ARHGAP10: variants seen among roughly 807,000 people sequenced by gnomAD.
ARHGAP10 encodes Rho GTPase activating protein 10, also known as rho GTPase-activating protein 10.
A neutral mutation model predicts 108.6 loss-of-function variants in ARHGAP10; 87 were observed. The observed-to-expected ratio is 0.80, with a 90% CI of 0.67 to 0.96. ARHGAP10 has a LOEUF of 0.96. Among genes scored for constraint, ARHGAP10 ranks in the 40% least tolerant of loss-of-function variants. The pLI is 0.00. For synonymous variants in ARHGAP10, 347 were observed against 341.1 expected, an observed-to-expected ratio of 1.02 and a Z score of -0.19; for missense variants, 939 against 954.5, an observed-to-expected ratio of 0.98 and a Z score of 0.21.
intron 20 of ARHGAP10, among the ~76,000 whole-genome samples, chr4:148,056,598 C>A (rs991689650): frequency 6.8e-6 from 1 of 147,584 alleles, no homozygotes; most frequent in African/African-American, 2.5e-5. Context: ...AACTGTGGTA[C>A]CTTTGTTAAA....
chr4:147,974,048 T>G (rs937484186), intron 18 of ARHGAP10, among the ~76,000 whole-genome samples: 3 of 152,206 alleles, frequency 2.0e-5, no homozygotes, highest in African/African-American at 7.2e-5. Context: ...CTTTTGGGTA[T>G]ACACCTAGCA....
Position 148,072,124 on chromosome 4 carries a change from C to T in ARHGAP10, c.*43C>T. On this transcript the variant is annotated 3_prime_UTR_variant, in exon 23 of 23. Coordinates refer to ENST00000336498, the MANE Select transcript of ARHGAP10 (RefSeq NM_024605.4). ...CCTGCTGACCCTGGCACCCAGGGAC[C>T]TGCCTGGGGGCAGAGAGCTGTCTTC... 1 of 1,550,916 alleles carries T rather than the reference C, an allele frequency of 6.4e-7. No individual in the cohort carries two copies. The highest frequency in any genetic ancestry group is 1.2e-5 in the South Asian group (1 of 86,834).
At chr4:147,912,346 C>T (rs1456811675) in intron 12 of ARHGAP10, among the ~76,000 whole-genome samples, 1 of 151,240 alleles carries the variant, frequency 6.6e-6, no homozygotes, top group African/African-American at 2.4e-5. Context: ...TCAAGACCAG[C>T]CTGGCCAACA....
intron 3 of ARHGAP10, among the ~76,000 whole-genome samples, chr4:147,835,582 C>T (rs2126802940): frequency 6.6e-6 from 1 of 152,298 alleles, no homozygotes; most frequent in East Asian, 1.9e-4. Context: ...CCATGTTGGC[C>T]AGGCTGGTCT....
chr4:147,903,936 G>A (rs1046706958), intron 10 of ARHGAP10, among the ~76,000 whole-genome samples: 1 of 152,222 alleles, frequency 6.6e-6, no homozygotes, highest in Non-Finnish European at 1.5e-5. Context: ...TCCATGTGCA[G>A]GTTCTTGTGT....
chr4:147,913,261 C>G, intron 13 of ARHGAP10, 122 bp downstream of exon 13: 1 of 825,458 alleles, frequency 1.2e-6, no homozygotes, highest in Non-Finnish European at 2.0e-6. Flanking sequence ...AATGCTCATT[C>G]TGAGTATCAG....
At chr4:147,831,918 C>G (rs949555833) in intron 3 of ARHGAP10, among the ~76,000 whole-genome samples, 3 of 152,176 alleles carry the variant, frequency 2.0e-5, no homozygotes, top group Non-Finnish European at 4.4e-5. Flanking sequence ...ACTCAGTGTC[C>G]TCTCTGTTGG....
intron 4 of ARHGAP10, among the ~76,000 whole-genome samples, chr4:147,850,331 G>A (rs988894227): frequency 2.0e-5 from 3 of 152,182 alleles, no homozygotes; most frequent in Admixed American, 6.5e-5. Context: ...GGCAATGCTT[G>A]GGTCCCTTCC....
chr4:148,042,143 G>GT (rs899858522), intron 19 of ARHGAP10, among the ~76,000 whole-genome samples: 3 of 152,100 alleles, frequency 2.0e-5, no homozygotes, highest in Non-Finnish European at 4.4e-5. Flanking sequence ...TATGCTCCTT[G>GT]TTTTTTTATT....
rs1734579499 is a variant in ARHGAP10 at position 147,866,694 on chromosome 4, TTTC to T, written c.598-14_598-12del. On this transcript the variant is annotated splice_polypyrimidine_tract_variant and intron_variant, in intron 6 of 22. Coordinates refer to ENST00000336498, the MANE Select transcript of ARHGAP10 (RefSeq NM_024605.4). ...TGAGTTTTTTTGTGCTAATATCTCT[TTTC>T]TTCCTGTGTCTTAGATGCTGTCATT... is the stretch of plus-strand genomic sequence containing the variant. 1 of 1,585,380 alleles carries T rather than the reference TTTC, an allele frequency of 6.3e-7. No individual in the cohort carries two copies. The highest frequency in any genetic ancestry group is 8.6e-7 in the Non-Finnish European group (1 of 1,161,176).
chr4:147,942,778 G>T (rs1025927834), intron 14 of ARHGAP10, among the ~76,000 whole-genome samples: 2 of 152,238 alleles, frequency 1.3e-5, no homozygotes, highest in African/African-American at 4.8e-5. Context: ...CCGGTGATGA[G>T]AGGGTATTCT....
chr4:147,819,624 T>A (rs1732398452), intron 1 of ARHGAP10, among the ~76,000 whole-genome samples: 2 of 152,176 alleles, frequency 1.3e-5, no homozygotes, highest in African/African-American at 4.8e-5. Flanking sequence ...CTCAGCTCAC[T>A]GCATGCTTCG....
At chr4:147,962,530 C>T (rs548147179) in intron 16 of ARHGAP10, among the ~76,000 whole-genome samples, 11 of 152,270 alleles carry the variant, frequency 7.2e-5, no homozygotes, top group African/African-American at 2.6e-4. Flanking sequence ...TTAGAAGCAA[C>T]GACTCCCAGG....
At chr4:147,839,411 T>A (rs1218440638) in intron 3 of ARHGAP10, among the ~76,000 whole-genome samples, 2 of 152,206 alleles carry the variant, frequency 1.3e-5, no homozygotes, top group Non-Finnish European at 2.9e-5. Flanking sequence ...AAATAATGAG[T>A]GTTCTGGGGA....
intron 20 of ARHGAP10, among the ~76,000 whole-genome samples, chr4:148,050,960 T>C (rs1385102672): frequency 1.3e-5 from 2 of 152,214 alleles, no homozygotes; most frequent in Non-Finnish European, 2.9e-5. Context: ...TTTACTGTGG[T>C]CTCAGGTCCT....
At chr4:148,067,224 T>A (rs1048434816) in intron 22 of ARHGAP10, among the ~76,000 whole-genome samples, 1 of 152,250 alleles carries the variant, frequency 6.6e-6, no homozygotes, top group Non-Finnish European at 1.5e-5. Context: ...GCATTAGGCT[T>A]GCTGCTTAAT....
chr4:147,922,649 C>T (rs1174688781), intron 13 of ARHGAP10, among the ~76,000 whole-genome samples: 1 of 141,550 alleles, frequency 7.1e-6, no homozygotes, highest in East Asian at 2.1e-4. Flanking sequence ...GATCCCGCCA[C>T]TGCACTCCAG....
chr4:147,976,053 C>T (rs1315326277), intron 18 of ARHGAP10, among the ~76,000 whole-genome samples: 1 of 152,154 alleles, frequency 6.6e-6, no homozygotes, highest in Non-Finnish European at 1.5e-5. Flanking sequence ...GAGGAGTATC[C>T]ACTGCTTCAT....
intron 18 of ARHGAP10, among the ~76,000 whole-genome samples, chr4:147,998,744 T>A (rs1292685880): frequency 6.6e-6 from 1 of 152,210 alleles, no homozygotes; most frequent in Non-Finnish European, 1.5e-5. Context: ...CCTAAAAGCA[T>A]TTGAGAAAAT....
Sources: allele counts gnomAD v4.1 joint callset (sites outside exome capture counted in the v4.1 genomes callset), GRCh38; gene constraint gnomAD v4.1.1; transcripts MANE v1.5; gene names NCBI Gene and HGNC (gene_info 2026-07-23, HGNC 2026-07-21).